Variants in RAB10 observed in about 807,000 individuals in gnomAD.
The protein encoded by RAB10 is RAB10, member RAS oncogene family, also known as ras-related protein Rab-10.
A neutral mutation model predicts 25.7 loss-of-function variants in RAB10; 5 were observed. That is an observed-to-expected ratio of 0.19 (90% CI 0.10 to 0.41). RAB10 has a LOEUF of 0.41. Among genes scored for constraint, RAB10 ranks in the 10% least tolerant of loss-of-function variants. The probability of loss-of-function intolerance (pLI) is 1.00; values close to 1 mark genes in which losing one functional copy is unlikely to be tolerated. For missense variants in RAB10, 103 were observed against 245.8 expected (o/e 0.42, Z 3.89); for synonymous variants, 89 against 86.4 (o/e 1.03, Z -0.16).
Position 26,127,830 on chromosome 2 carries a change from A to G in RAB10, c.418-20A>G. ...ACCCATGCTTGATAATTTTATGATG[A>G]TATTTTGTTTCTGTTTTAGATTGCA... is the stretch of plus-strand genomic sequence containing the variant. On this transcript the variant is annotated intron_variant, in intron 4 of 5. Transcript: ENST00000264710. 1 of 1,530,738 alleles carries G rather than the reference A, an allele frequency of 6.5e-7. No homozygotes were observed. Among genetic ancestry groups the G allele is most frequent in the South Asian group, 1.1e-5 (1 of 89,274 alleles). The allele number at this position is 1,530,738 out of a possible 1,614,324, so 94.8% of individuals were successfully genotyped here. A position where few individuals can be genotyped will look rare whatever the true frequency, so the allele number is the denominator to read the frequency against.
chr2:26,107,970 G>A (rs543663273), intron 2 of RAB10, among the ~76,000 whole-genome samples: 1 of 152,260 alleles, frequency 6.6e-6, no homozygotes, highest in East Asian at 1.9e-4. Context: ...ATATTACTAT[G>A]TGCCCTCTTA....
chr2:26,112,355 C>T (rs1383041593), intron 3 of RAB10, among the ~76,000 whole-genome samples: 1 of 152,070 alleles, frequency 6.6e-6, no homozygotes, highest in Non-Finnish European at 1.5e-5. Context: ...GAGACCAGCC[C>T]CCATTCTGAA....
At chr2:26,085,301 C>G (rs916493033) in intron 1 of RAB10, among the ~76,000 whole-genome samples, 1 of 151,648 alleles carries the variant, frequency 6.6e-6, no homozygotes, top group Non-Finnish European at 1.5e-5. Context: ...CCAGCCTGAC[C>G]AACATGGTAA....
Position 26,034,418 on chromosome 2 carries a change from C to T in RAB10, c.-191C>T. ...GCTGCGGAGCCGCGGTCGCCGCCCT[C>T]GGAGGCACTGGACGCCGCCACTGTC... On this transcript the variant is annotated 5_prime_UTR_variant, in exon 1 of 6. Coordinates refer to ENST00000264710, the MANE Select transcript of RAB10 (RefSeq NM_016131.5). The T allele has an allele frequency of 4.2e-6, 3 of 716,698 alleles. No individual in the cohort carries two copies. The highest frequency in any genetic ancestry group is 6.7e-6 in the Non-Finnish European group (3 of 445,240). The allele number at this position is 716,698 out of a possible 1,614,324, so 44.4% of individuals were successfully genotyped here.
At chr2:26,054,109 G>A (rs7597283) in intron 1 of RAB10, among the ~76,000 whole-genome samples, 111,365 of 145,334 alleles carry the variant, frequency 0.77, 42,658 homozygotes, top group East Asian at 0.87. Context: ...GTGCAATGGC[G>A]TGATCTCGGC....
chr2:26,045,998 A>G (rs550354526), intron 1 of RAB10, among the ~76,000 whole-genome samples: 1 of 152,356 alleles, frequency 6.6e-6, no homozygotes, highest in East Asian at 1.9e-4. Context: ...TTGAGGGTTT[A>G]TGAAATTAGT....
At chr2:26,066,583 G>C (rs1313761126) in intron 1 of RAB10, among the ~76,000 whole-genome samples, 1 of 152,098 alleles carries the variant, frequency 6.6e-6, no homozygotes, top group Non-Finnish European at 1.5e-5. Context: ...CGGCAGGAGA[G>C]AGAATGAGAG....
rs1667923547 is a variant in RAB10, at chr2:26,127,159, G to A, written c.343G>A (p.Val115Met). The A allele has an allele frequency of 6.3e-7, 1 of 1,598,496 alleles. No individual in the cohort carries two copies. The highest frequency in any genetic ancestry group is 8.5e-7 in the Non-Finnish European group (1 of 1,175,926). Residue 115 changes from valine to methionine, a missense_variant, in exon 4 of 6, where the codon GTG becomes ATG. This residue lies in a region of RAB10 where 79 missense variants were observed against 217.8 expected (regional missense o/e 0.36). Transcript: ENST00000264710. ...TTCATTTTAGCATGCCAATGAAGAT[G>A]TGGAAAGAATGTTACTAGGAAACAA... ...RNIDEHANEDVERMLLGNKCD... is the reference protein window; with the variant it reads ...RNIDEHANEDMERMLLGNKCD...
chr2:26,040,974 A>T (rs1005233233), intron 1 of RAB10, among the ~76,000 whole-genome samples: 1 of 152,080 alleles, frequency 6.6e-6, no homozygotes, highest in Non-Finnish European at 1.5e-5. Flanking sequence ...GGTACACTCA[A>T]CCAATCTCAA....
chr2:26,121,260 CAACAAAA>C (rs1040241565), intron 3 of RAB10, among the ~76,000 whole-genome samples: 37 of 152,292 alleles, frequency 2.4e-4, no homozygotes, highest in South Asian at 1.0e-3. Flanking sequence ...ATCGTCCTTG[CAACAAAA>C]GAGTTGTTTC....
At position 26,116,548 on chromosome 2, in the gene RAB10, G is replaced by GTT. The variant is rs70950170; in HGVS notation, c.327+6667_327+6668dup. 5.4e-3 allele frequency among the ~76,000 whole-genome samples: 337 copies of GTT among 62,696 alleles called. 46 individuals carry two copies. Among genetic ancestry groups the GTT allele is most frequent in the Middle Eastern group, 0.011 (1 of 90 alleles). 41.1% of individuals were successfully genotyped at this position (62,696 alleles called of 152,430 possible). On this transcript the variant is annotated intron_variant, in intron 3 of 5. Transcript: ENST00000264710. Reference sequence around the variant, plus strand: ...TTTCTTTTCTTTCTTTCTGTCTTGTGTTTTTTTTTTTTTTTTTTTTTTTTT... The same window carrying GTT: ...TTTCTTTTCTTTCTTTCTGTCTTGTGTTTTTTTTTTTTTTTTTTTTTTTTTTT...
intron 1 of RAB10, among the ~76,000 whole-genome samples, chr2:26,070,945 C>T (rs182378198): frequency 2.4e-3 from 372 of 152,222 alleles, no homozygotes; most frequent in African/African-American, 8.7e-3. Flanking sequence ...TATGTTGATG[C>T]TTGTACTGAT....
intron 1 of RAB10, among the ~76,000 whole-genome samples, chr2:26,063,430 AT>A (rs5829995): frequency 2.7e-5 from 4 of 150,640 alleles, no homozygotes; most frequent in Non-Finnish European, 4.4e-5. Context: ...TCTTTATGTG[AT>A]TTTTTTTTTG....
chr2:26,056,583 C>T (rs1461141670), intron 1 of RAB10, among the ~76,000 whole-genome samples: 2 of 152,158 alleles, frequency 1.3e-5, no homozygotes, highest in Admixed American at 6.5e-5. Flanking sequence ...TCTCTGAGTA[C>T]AATCCAGACT....
At chr2:26,110,315 G>A (rs1207057547) in intron 3 of RAB10, among the ~76,000 whole-genome samples, 1 of 139,240 alleles carries the variant, frequency 7.2e-6, no homozygotes, top group East Asian at 2.1e-4. Context: ...TCCAGCCTGG[G>A]CAACAGAGCA....
chr2:26,096,988 A>G (rs1030428207), intron 1 of RAB10, among the ~76,000 whole-genome samples: 19 of 152,266 alleles, frequency 1.2e-4, no homozygotes, highest in South Asian at 6.2e-4. Context: ...TTGGGAGGCC[A>G]AGGCCGGTGG....
In RAB10 at chr2:26,082,584, T is replaced by C. The variant is rs548203750; in HGVS notation, c.128-16078T>C. Among the ~76,000 whole-genome samples, 8 of 152,290 alleles carry C rather than the reference T, an allele frequency of 5.3e-5. No homozygotes were observed. In the South Asian group the frequency reaches 1.7e-3, roughly 32 times the overall value. ...AGTCCTCTCTTAGTAATTGATAGAATAAGTAGACATATATTTAAGAAATGA... is the reference window on the plus strand; with the variant it reads ...AGTCCTCTCTTAGTAATTGATAGAACAAGTAGACATATATTTAAGAAATGA... On this transcript the variant is annotated intron_variant, in intron 1 of 5. Transcript: ENST00000264710.
chr2:26,045,861 T>G (rs1037388217), intron 1 of RAB10, among the ~76,000 whole-genome samples: 22 of 152,014 alleles, frequency 1.4e-4, no homozygotes, highest in African/African-American at 5.3e-4. Flanking sequence ...TTTTAAAACT[T>G]TATTTTATAT....
At chr2:26,064,801 C>G (rs145551693) in intron 1 of RAB10, among the ~76,000 whole-genome samples, 4,307 of 152,224 alleles carry the variant, frequency 0.028, 207 homozygotes, top group African/African-American at 0.099. Context: ...AATCCCAGCA[C>G]TTTGGGAGGC....
Sources: allele counts gnomAD v4.1 joint callset (sites outside exome capture counted in the v4.1 genomes callset), GRCh38; gene constraint gnomAD v4.1.1; regional missense constraint gnomAD v4.1.1; transcripts MANE v1.5; gene names NCBI Gene and HGNC (gene_info 2026-07-23, HGNC 2026-07-21).